ENTHD1: variants seen among roughly 807,000 people sequenced by gnomAD.
The protein encoded by ENTHD1 is ENTH domain containing 1.
A neutral mutation model predicts 39.1 loss-of-function variants in ENTHD1; 23 were observed. That is an observed-to-expected ratio of 0.59 (90% CI 0.42 to 0.83). The LOEUF is 0.83. ENTHD1 is among the 40% of genes least tolerant of loss of function. The pLI, the probability that ENTHD1 is intolerant of heterozygous loss-of-function variation, is 0.00. For missense variants in ENTHD1, 624 were observed against 705.4 expected (o/e 0.88, Z 1.31); for synonymous variants, 230 against 258.2 (o/e 0.89, Z 1.05).
chr22:39,747,141 C>A (rs2065111769), intron 6 of ENTHD1, among the ~76,000 whole-genome samples: 1 of 152,068 alleles, frequency 6.6e-6, no homozygotes, highest in Non-Finnish European at 1.5e-5. Flanking sequence ...TGTGGGCCAC[C>A]AATGCCTGGC....
chr22:39,871,218 A>AATAAATAAATAAATAC (rs1326718662), intron 2 of ENTHD1, among the ~76,000 whole-genome samples: 5 of 147,000 alleles, frequency 3.4e-5, no homozygotes, highest in Non-Finnish European at 6.0e-5. Flanking sequence ...TAAATAAATA[A>AATAAATAAATAAATAC]ATACGGACCT....
In ENTHD1 at chr22:39,748,531, C is replaced by T. The variant is rs374297820; in HGVS notation, c.1220-4248G>A. On this transcript the variant is annotated intron_variant, in intron 6 of 6. Coordinates refer to ENST00000325157, the MANE Select transcript of ENTHD1 (RefSeq NM_152512.4). ...CTGCCTCCAGGTTCACACCATTCTT[C>T]TGCCTCCACCTGACGAGTAGCTGGA... Among the ~76,000 whole-genome samples the T allele has an allele frequency of 2.5e-3, 377 of 151,874 alleles. 4 individuals are homozygous for T. Among genetic ancestry groups the T allele is most frequent in the Middle Eastern group, 0.024 (7 of 292 alleles).
At chr22:39,805,193 G>A (rs974735898) in intron 5 of ENTHD1, among the ~76,000 whole-genome samples, 15 of 152,190 alleles carry the variant, frequency 9.9e-5, no homozygotes, top group Admixed American at 8.5e-4. Context: ...TTCATTCTGA[G>A]GGCGAAGAAG....
At position 39,870,740 on chromosome 22, in the gene ENTHD1, C is replaced by A. The variant is rs533010332; in HGVS notation, c.350-8733G>T. Among the ~76,000 whole-genome samples the A allele has an allele frequency of 5.9e-4, 90 of 152,218 alleles. 2 individuals carry two copies. In the South Asian group the frequency reaches 0.013, roughly 22 times the overall value. ...CACAGAAAGAGAAGAAACTGAGATA[C>A]AAATAAAGTATCCTCAGCCCTCCAA... On this transcript the variant is annotated intron_variant, in intron 2 of 6. Coordinates refer to ENST00000325157, the MANE Select transcript of ENTHD1 (RefSeq NM_152512.4).
chr22:39,855,161 A>G (rs146040974), intron 3 of ENTHD1, among the ~76,000 whole-genome samples: 53 of 152,330 alleles, frequency 3.5e-4, no homozygotes, highest in African/African-American at 1.3e-3. Context: ...AGCAATAAGA[A>G]TTATCTTCCA....
intron 3 of ENTHD1, among the ~76,000 whole-genome samples, chr22:39,849,582 A>G (rs997259581): frequency 6.6e-6 from 1 of 152,238 alleles, no homozygotes; most frequent in Non-Finnish European, 1.5e-5. Flanking sequence ...ATGTATTTCA[A>G]TTAAACATTA....
intron 2 of ENTHD1, among the ~76,000 whole-genome samples, chr22:39,871,218 A>C (rs559147809): frequency 6.8e-5 from 10 of 146,892 alleles, no homozygotes; most frequent in Non-Finnish European, 9.0e-5. Context: ...TAAATAAATA[A>C]ATACGGACCT....
intron 2 of ENTHD1, among the ~76,000 whole-genome samples, chr22:39,882,692 A>G (rs1225695589): frequency 6.6e-6 from 1 of 152,182 alleles, no homozygotes; most frequent in African/African-American, 2.4e-5. Flanking sequence ...CTCTTCTAGT[A>G]TATCACATTC....
intron 6 of ENTHD1, among the ~76,000 whole-genome samples, chr22:39,746,286 T>C (rs1224695480): frequency 1.3e-5 from 2 of 152,170 alleles, no homozygotes; most frequent in African/African-American, 4.8e-5. Context: ...ATATTTCTGC[T>C]ATTATATTTT....
At position 39,835,879 on chromosome 22, in the gene ENTHD1, T is replaced by C; in HGVS notation, c.672A>G (p.Glu224=). Residue 224 remains glutamate, a synonymous_variant, in exon 4 of 7, where the codon GAA becomes GAG. Transcript: ENST00000325157. ...HLPTETMLSQ[E]TLPLKIHGWK... The stretch of plus-strand genomic sequence containing the variant: ...AACCATGAATCTTGAGTGGAAGTGT[T>C]TCCTGGGACAACATAGTTTCTGTAG... 6.2e-7 allele frequency: 1 copy of C among 1,609,660 alleles called. No homozygotes were observed. The highest frequency in any genetic ancestry group is 2.2e-5 in the East Asian group (1 of 44,648).
chr22:39,747,581 G>T (rs958773539), intron 6 of ENTHD1, among the ~76,000 whole-genome samples: 2 of 152,192 alleles, frequency 1.3e-5, no homozygotes, highest in Non-Finnish European at 2.9e-5. Context: ...AACCAGGACA[G>T]TGAGGGGACT....
intron 2 of ENTHD1, among the ~76,000 whole-genome samples, chr22:39,877,043 C>A (rs147767339): frequency 4.5e-4 from 68 of 152,276 alleles, no homozygotes; most frequent in African/African-American, 1.6e-3. Flanking sequence ...GAATGTCAGA[C>A]TACCTGCGAA....
In ENTHD1 at chr22:39,744,072, T is replaced by G. The variant is rs1569120319; in HGVS notation, c.1431A>C (p.Pro477=). Residue 477 remains proline (P), a synonymous_variant, in exon 7 of 7, where the codon CCA becomes CCC. Transcript: ENST00000325157. ...KLHHSFASRG[P]VSSDVEENDS... ...CATTTTCCTCTACATCAGAAGACAC[T>G]GGGCCCCTAGAAGCAAAGGAGTGAT... The G allele has an allele frequency of 6.2e-7, 1 of 1,614,018 alleles. No homozygotes were observed. The highest frequency in any genetic ancestry group is 1.3e-5 in the African/African-American group (1 of 74,940).
At chr22:39,768,478 C>G (rs2065296197) in intron 5 of ENTHD1, among the ~76,000 whole-genome samples, 2 of 152,124 alleles carry the variant, frequency 1.3e-5, no homozygotes, top group South Asian at 4.1e-4. Context: ...CTGTTTAAAT[C>G]CTATTAAACC....
intron 3 of ENTHD1, among the ~76,000 whole-genome samples, chr22:39,850,767 C>T (rs1424126373): frequency 1.3e-5 from 2 of 152,140 alleles, no homozygotes; most frequent in African/African-American, 2.4e-5. Flanking sequence ...TCATTACCTT[C>T]TCTTAAAAAC....
rs764130053 is a variant in ENTHD1, at chr22:39,821,042, T to G, written c.783A>C (p.Pro261=). ...CTTCTGCTTCTGACAAGCAAGTGAT[T>G]GGAGAGACAATGGAAGGAGGTGTTG... The part of the protein sequence containing the change: ...LLATPPSIVS[P]ITCLSEAEEV... Residue 261 remains proline, a synonymous_variant, in exon 5 of 7, where the codon CCA becomes CCC. Transcript: ENST00000325157. 1.2e-6 allele frequency: 2 copies of G among 1,614,064 alleles called. No individual in the cohort carries two copies. Among genetic ancestry groups the G allele is most frequent in the Non-Finnish European group, 8.5e-7 (1 of 1,179,958 alleles).
chr22:39,849,259 T>G (rs1361901913), intron 3 of ENTHD1, among the ~76,000 whole-genome samples: 1 of 152,244 alleles, frequency 6.6e-6, no homozygotes, highest in Non-Finnish European at 1.5e-5. Flanking sequence ...CGATTGTAAC[T>G]GCACTGAATC....
intron 5 of ENTHD1, among the ~76,000 whole-genome samples, chr22:39,802,476 C>A (rs1164483028): frequency 1.3e-5 from 2 of 152,166 alleles, no homozygotes; most frequent in East Asian, 3.9e-4. Flanking sequence ...CAGTACAGGG[C>A]AGGACCCCTC....
chr22:39,815,414 G>A (rs1026365926), intron 5 of ENTHD1, among the ~76,000 whole-genome samples: 1 of 151,302 alleles, frequency 6.6e-6, no homozygotes, highest in African/African-American at 2.4e-5. Flanking sequence ...TTGGACTCCA[G>A]CCTGGGCAAC....
Sources: allele counts gnomAD v4.1 joint callset (sites outside exome capture counted in the v4.1 genomes callset), GRCh38; gene constraint gnomAD v4.1.1; transcripts MANE v1.5; gene names NCBI Gene and HGNC (gene_info 2026-07-23, HGNC 2026-07-21).